Variants in PLCL2 observed in about 807,000 individuals in gnomAD.
PLCL2 encodes phospholipase C like 2.
A neutral mutation model predicts 79.6 loss-of-function variants in PLCL2; 4 were observed. The observed-to-expected ratio is 0.05, with a 90% CI of 0.02 to 0.11. The LOEUF (loss-of-function observed/expected upper bound fraction) is 0.11. PLCL2 is among the 10% of genes least tolerant of loss of function. The probability of loss-of-function intolerance (pLI) is 1.00; values close to 1 mark genes in which losing one functional copy is unlikely to be tolerated. For synonymous variants in PLCL2, 484 were observed against 457.7 expected (o/e 1.06, Z -0.73); for missense variants, 895 against 1,291.0 (o/e 0.69, Z 4.70).
intron 1 of PLCL2, among the ~76,000 whole-genome samples, chr3:16,920,475 AT>A: frequency 6.6e-6 from 1 of 152,296 alleles, no homozygotes; most frequent in East Asian, 1.9e-4. Flanking sequence ...TATATGATAA[AT>A]TCTCACTTAT....
intron 2 of PLCL2, among the ~76,000 whole-genome samples, 164 bp downstream of exon 2, chr3:17,012,324 T>A (rs1254882183): frequency 6.6e-6 from 1 of 152,240 alleles, no homozygotes; most frequent in Non-Finnish European, 1.5e-5. Context: ...TCATTTAACT[T>A]CCTAAAGGTA....
intron 4 of PLCL2, chr3:17,044,299 C>G (rs1446795869): frequency 6.6e-6 from 1 of 152,256 alleles, no homozygotes; most frequent in Non-Finnish European, 1.5e-5. Flanking sequence ...TGTCCCCATT[C>G]CCTGTGTTTC....
At chr3:16,914,628 A>C (rs193136981) in intron 1 of PLCL2, among the ~76,000 whole-genome samples, 82 of 152,098 alleles carry the variant, frequency 5.4e-4, no homozygotes, top group African/African-American at 1.9e-3. Flanking sequence ...AGTTAAAATG[A>C]ATGATTAAAA....
intron 1 of PLCL2, among the ~76,000 whole-genome samples, chr3:16,968,162 G>A (rs74920719): frequency 0.02 from 3,001 of 152,168 alleles, 104 homozygotes; most frequent in East Asian, 0.17. Flanking sequence ...GGTTGCTGTA[G>A]CCTTCCAGTA....
rs550681652 is a variant in PLCL2, at chr3:17,080,133, C to T, written c.3205-9600C>T. On this transcript the variant is annotated intron_variant, in intron 5 of 5. Coordinates refer to ENST00000615277, the MANE Select transcript of PLCL2 (RefSeq NM_001144382.2). Reference sequence around the variant, plus strand: ...CAGCTCATGTTCCATGCCCATCAAACGTGTGAGTGCACATACAGGAAGCCA... The same window carrying T: ...CAGCTCATGTTCCATGCCCATCAAATGTGTGAGTGCACATACAGGAAGCCA... Among the ~76,000 whole-genome samples the T allele has an allele frequency of 3.3e-5, 5 of 152,320 alleles. No individual in the cohort carries two copies. In the East Asian group the frequency reaches 5.8e-4, roughly 18 times the overall value.
chr3:16,993,449 G>C (rs904079093), intron 1 of PLCL2, among the ~76,000 whole-genome samples: 2 of 152,098 alleles, frequency 1.3e-5, no homozygotes, highest in Admixed American at 1.3e-4. Context: ...TCTCTAAGTA[G>C]CTTGAACTTT....
chr3:16,996,362 A>G (rs549000532), intron 1 of PLCL2, among the ~76,000 whole-genome samples: 18 of 152,116 alleles, frequency 1.2e-4, no homozygotes, highest in African/African-American at 4.3e-4. Context: ...CCCAGGAAGG[A>G]AGAGAGTAGA....
At chr3:16,934,410 C>T (rs899384600) in intron 1 of PLCL2, among the ~76,000 whole-genome samples, 1 of 152,102 alleles carries the variant, frequency 6.6e-6, no homozygotes, top group African/African-American at 2.4e-5. Context: ...GAACTGTGTT[C>T]TAGGAGAGGG....
intron 5 of PLCL2, among the ~76,000 whole-genome samples, chr3:17,082,869 A>T (rs1444989617): frequency 6.6e-6 from 1 of 152,170 alleles, no homozygotes; most frequent in East Asian, 1.9e-4. Context: ...TAAAATACCT[A>T]TTTGTAATAT....
chr3:16,952,029 G>A (rs1284247931), intron 1 of PLCL2, among the ~76,000 whole-genome samples: 1 of 151,996 alleles, frequency 6.6e-6, no homozygotes, highest in African/African-American at 2.4e-5. Flanking sequence ...GGGGTTCTAT[G>A]TAACAGATGA....
chr3:17,051,819 C>T (rs1410586412), intron 4 of PLCL2, among the ~76,000 whole-genome samples: 1 of 152,120 alleles, frequency 6.6e-6, no homozygotes, highest in East Asian at 1.9e-4. Context: ...TCAGGAAGTA[C>T]CTTGCCAGTA....
chr3:17,063,980 A>C (rs973168446), intron 4 of PLCL2, among the ~76,000 whole-genome samples: 2 of 152,200 alleles, frequency 1.3e-5, no homozygotes, highest in African/African-American at 4.8e-5. Flanking sequence ...AATTCACTCT[A>C]TCTAGTCTTT....
At chr3:17,033,673 G>A (rs538455477) in intron 3 of PLCL2, among the ~76,000 whole-genome samples, 172 of 152,222 alleles carry the variant, frequency 1.1e-3, no homozygotes, top group Non-Finnish European at 1.7e-3. Flanking sequence ...TACATCTTGT[G>A]TTACAATTTT....
rs1419718228 is a variant in PLCL2, at chr3:16,886,032, A to G, written c.327+666A>G. On this transcript the variant is annotated intron_variant, in intron 1 of 5. Coordinates refer to ENST00000615277, the MANE Select transcript of PLCL2 (RefSeq NM_001144382.2). The surrounding 1 kb of genome is among the most constrained non-coding windows in gnomAD (Gnocchi z 4.2). Reference sequence around the variant, plus strand: ...GTAGGCAGGCCTCGAGTACTGTGGAAGTTCTTTTGGGCAGTTTGCTTGGTT... The same window carrying G: ...GTAGGCAGGCCTCGAGTACTGTGGAGGTTCTTTTGGGCAGTTTGCTTGGTT... 1.3e-5 allele frequency among the ~76,000 whole-genome samples: 2 copies of G among 152,200 alleles called. No individual in the cohort carries two copies.
intron 1 of PLCL2, among the ~76,000 whole-genome samples, chr3:16,914,660 G>T (rs1049758616): frequency 7.3e-5 from 11 of 151,460 alleles, no homozygotes; most frequent in Admixed American, 6.6e-4. Flanking sequence ...ATTTGTTAGC[G>T]TCTTCTTGTT....
intron 4 of PLCL2, among the ~76,000 whole-genome samples, chr3:17,047,657 A>C (rs1378399039): frequency 1.3e-5 from 2 of 152,122 alleles, no homozygotes; most frequent in Non-Finnish European, 1.5e-5. Context: ...TGCTTTCTTA[A>C]ATTTGATTTG....
intron 1 of PLCL2, among the ~76,000 whole-genome samples, chr3:16,906,610 G>T (rs1292205429): frequency 6.6e-6 from 1 of 151,982 alleles, no homozygotes; most frequent in Non-Finnish European, 1.5e-5. Context: ...GAGTGTATTT[G>T]CAATGAAAAA....
chr3:16,979,360 A>ATTG (rs1553640839), intron 1 of PLCL2, among the ~76,000 whole-genome samples: 4 of 139,306 alleles, frequency 2.9e-5, no homozygotes, highest in African/African-American at 8.1e-5. Context: ...TTTTTTTTTT[A>ATTG]ATCATTCTTG....
At chr3:16,940,804 A>G (rs1401144051) in intron 1 of PLCL2, among the ~76,000 whole-genome samples, 3 of 152,226 alleles carry the variant, frequency 2.0e-5, no homozygotes, top group Non-Finnish European at 4.4e-5. Context: ...TATAAAGATC[A>G]AATGTGATGA....
Sources: allele counts gnomAD v4.1 joint callset (sites outside exome capture counted in the v4.1 genomes callset), GRCh38; gene constraint gnomAD v4.1.1; non-coding constraint Gnocchi (gnomAD v3.1); transcripts MANE v1.5; gene names NCBI Gene and HGNC (gene_info 2026-07-23, HGNC 2026-07-21).